The following LRRTM4 variants were observed in gnomAD, a reference collection of about 807,000 sequenced individuals.
LRRTM4 encodes the protein leucine-rich repeat transmembrane neuronal protein 4.
Under a neutral mutation model 47.6 loss-of-function variants are expected in LRRTM4, and 25 were observed. The ratio of observed to expected loss-of-function variants is 0.53; its 90% confidence interval spans 0.38 to 0.73. LRRTM4 has a LOEUF of 0.73. Ranked by LOEUF, LRRTM4 falls within the 30% of genes least tolerant of loss-of-function variation. The pLI, the probability that LRRTM4 is intolerant of heterozygous loss-of-function variation, is 0.00. For missense variants in LRRTM4, 638 were observed against 713.4 expected (o/e 0.89, Z 1.20); for synonymous variants, 311 against 269.5 (o/e 1.15, Z -1.51).
At chr2:77,214,303 T>G (rs1157392633) in intron 3 of LRRTM4, among the ~76,000 whole-genome samples, 1 of 152,192 alleles carries the variant, frequency 6.6e-6, no homozygotes, top group Non-Finnish European at 1.5e-5. Context: ...TATTAATTGC[T>G]TGGGGTTAAG....
chr2:77,186,448 T>C (rs186852403), intron 3 of LRRTM4, among the ~76,000 whole-genome samples: 322 of 151,966 alleles, frequency 2.1e-3, no homozygotes, highest in African/African-American at 7.1e-3. Flanking sequence ...TTTGTGTCTT[T>C]TGTTTGTTTC....
At chr2:77,219,142 A>G (rs1034486366) in intron 3 of LRRTM4, among the ~76,000 whole-genome samples, 19 of 152,200 alleles carry the variant, frequency 1.2e-4, no homozygotes, top group Non-Finnish European at 1.5e-5. Context: ...CAATCCTGCA[A>G]TGTTTAGCCT....
chr2:77,265,135 T>C (rs925198778), intron 3 of LRRTM4, among the ~76,000 whole-genome samples: 25 of 152,024 alleles, frequency 1.6e-4, no homozygotes, highest in African/African-American at 5.6e-4. Flanking sequence ...AGAGGAAAAA[T>C]GCATCAAGGC....
intron 3 of LRRTM4, among the ~76,000 whole-genome samples, chr2:77,039,627 G>C (rs2104170195): frequency 6.6e-6 from 1 of 151,226 alleles, no homozygotes; most frequent in South Asian, 2.1e-4. Flanking sequence ...GATGAAAAAA[G>C]TATAATTTTT....
intron 3 of LRRTM4, among the ~76,000 whole-genome samples, chr2:76,801,274 A>G (rs1456307128): frequency 6.6e-6 from 1 of 152,080 alleles, no homozygotes; most frequent in Non-Finnish European, 1.5e-5. Flanking sequence ...CAAATGTCCA[A>G]CAATGATAGA....
chr2:77,180,955 T>C (rs1673330913), intron 3 of LRRTM4, among the ~76,000 whole-genome samples: 1 of 152,182 alleles, frequency 6.6e-6, no homozygotes, highest in Admixed American at 6.6e-5. Flanking sequence ...CCATTAGAGG[T>C]ATATTTCACT....
intron 3 of LRRTM4, among the ~76,000 whole-genome samples, chr2:76,898,595 G>T (rs1350906721): frequency 6.7e-6 from 1 of 150,232 alleles, no homozygotes; most frequent in African/African-American, 2.4e-5. Context: ...ACAGTAATGG[G>T]TGGTAATGCA....
chr2:77,294,072 T>C (rs1166805538), intron 3 of LRRTM4, among the ~76,000 whole-genome samples: 2 of 152,170 alleles, frequency 1.3e-5, no homozygotes, highest in South Asian at 2.1e-4. Flanking sequence ...TATGCATATA[T>C]GCATGTGTGT....
chr2:77,426,913 T>A (rs1259316567), intron 3 of LRRTM4, among the ~76,000 whole-genome samples: 1 of 151,636 alleles, frequency 6.6e-6, no homozygotes, highest in East Asian at 1.9e-4. Flanking sequence ...GCATATTTTC[T>A]TATAAGGCTA....
At chr2:77,406,957 T>C (rs113362308) in intron 3 of LRRTM4, among the ~76,000 whole-genome samples, 2 of 152,278 alleles carry the variant, frequency 1.3e-5, no homozygotes, top group African/African-American at 4.8e-5. Flanking sequence ...TTAATTCTCT[T>C]TCAGGAGGCT....
chr2:77,122,262 G>T (rs1231370082), intron 3 of LRRTM4, among the ~76,000 whole-genome samples: 1 of 151,412 alleles, frequency 6.6e-6, no homozygotes, highest in Non-Finnish European at 1.5e-5. Context: ...TATGACCTTA[G>T]TGCAACATCA....
chr2:77,242,402 T>A (rs1366260329), intron 3 of LRRTM4, among the ~76,000 whole-genome samples: 1 of 152,126 alleles, frequency 6.6e-6, no homozygotes, highest in Non-Finnish European at 1.5e-5. Context: ...TGGGAGGACA[T>A]GTTCACAAAT....
intron 3 of LRRTM4, among the ~76,000 whole-genome samples, chr2:77,173,300 A>G (rs1215650484): frequency 6.6e-6 from 1 of 152,182 alleles, no homozygotes; most frequent in Non-Finnish European, 1.5e-5. Context: ...CCATCTCAAG[A>G]GTTCAGTTTA....
intron 3 of LRRTM4, among the ~76,000 whole-genome samples, chr2:77,416,141 G>C (rs976726839): frequency 6.6e-6 from 1 of 151,778 alleles, no homozygotes; most frequent in East Asian, 1.9e-4. Context: ...CTTTTGTTTG[G>C]TGACACCATT....
At chr2:77,123,323 C>T (rs1290885061) in intron 3 of LRRTM4, among the ~76,000 whole-genome samples, 1 of 151,464 alleles carries the variant, frequency 6.6e-6, no homozygotes, top group Non-Finnish European at 1.5e-5. Flanking sequence ...ATCAACTTTC[C>T]TATTGAACTC....
chr2:77,024,135 A>G (rs1001675797), intron 3 of LRRTM4, among the ~76,000 whole-genome samples: 1 of 152,296 alleles, frequency 6.6e-6, no homozygotes, highest in Non-Finnish European at 1.5e-5. Flanking sequence ...CCACAAGAAC[A>G]GTATTGGGGA....
intron 3 of LRRTM4, among the ~76,000 whole-genome samples, chr2:77,012,295 A>ATT (rs370477543): frequency 6.0e-5 from 9 of 151,008 alleles, no homozygotes; most frequent in Non-Finnish European, 8.9e-5. Context: ...AAGAATAATC[A>ATT]TTTTTTTTTG....
In LRRTM4 at chr2:77,310,054, CTT is replaced by C. The variant is rs1200662106; in HGVS notation, c.1551+208262_1551+208263del. 3.3e-5 allele frequency among the ~76,000 whole-genome samples: 5 copies of C among 152,086 alleles called. No individual in the cohort carries two copies. In the East Asian group the frequency reaches 9.7e-4, roughly 29 times the overall value. ...GCTATCTTGCTCTTTACAAAAAAAA[CTT>C]TTTTTGGCTCTGGGTAAGAAATGTA... On this transcript the variant is annotated intron_variant, in intron 3 of 3. Transcript: ENST00000409884.
chr2:76,748,892 G>C lies in LRRTM4; in HGVS notation c.1576C>G (p.Pro526Ala), dbSNP rs779403740. The change falls in exon 4 of 4, where the codon CCA (proline) becomes GCA (alanine). Residue 526 changes from proline (P) to alanine (A), a missense_variant. Transcript: ENST00000409884. ...CEMPHHMKPL[P>A]YYSYDQPVIG... is the part of the protein sequence containing the mutation. The stretch of plus-strand genomic sequence containing the variant: ...ACAGGCTGGTCATAGCTGTAATATG[G>C]CAAGGGCTTCATGTGGTGTGGCATC... The C allele has an allele frequency of 1.9e-6, 3 of 1,613,990 alleles. No individual in the cohort carries two copies. The highest frequency in any genetic ancestry group is 2.2e-5 in the South Asian group (2 of 91,086).
Sources: gnomAD v4.1 joint callset for allele counts (sites outside exome capture counted in the v4.1 genomes callset) on GRCh38, gnomAD v4.1.1 for gene constraint, MANE v1.5 for transcripts, NCBI Gene and HGNC (gene_info 2026-07-23, HGNC 2026-07-21) for gene names.